DAB1: variants seen among roughly 807,000 people sequenced by gnomAD.
DAB1 encodes the protein disabled homolog 1.
Under a neutral mutation model 64.6 loss-of-function variants are expected in DAB1, and 15 were observed. The ratio of observed to expected loss-of-function variants is 0.23; its 90% confidence interval spans 0.16 to 0.36. The LOEUF (loss-of-function observed/expected upper bound fraction) is 0.36, where lower values mean the gene tolerates loss of function less well. DAB1 is among the 10% of genes least tolerant of loss of function. The probability of loss-of-function intolerance (pLI) is 1.00; values close to 1 mark genes in which losing one functional copy is unlikely to be tolerated. For synonymous variants in DAB1, 235 were observed against 251.9 expected (o/e 0.93, Z 0.64); for missense variants, 596 against 706.7 (o/e 0.84, Z 1.78).
chr1:58,380,053 A>T (rs892168837), intron 3 of DAB1, among the ~76,000 whole-genome samples: 1 of 152,170 alleles, frequency 6.6e-6, no homozygotes, highest in African/African-American at 2.4e-5. Context: ...TCTCTTCCTC[A>T]GCTAGCTAAG....
At chr1:57,669,068 T>A (rs1161563576) in intron 6 of DAB1, among the ~76,000 whole-genome samples, 2 of 152,128 alleles carry the variant, frequency 1.3e-5, no homozygotes, top group African/African-American at 2.4e-5. Flanking sequence ...TAATTCCGTG[T>A]TCCTTACACC....
At chr1:57,912,998 C>G (rs767936674) in intron 5 of DAB1, among the ~76,000 whole-genome samples, 1 of 152,094 alleles carries the variant, frequency 6.6e-6, no homozygotes, top group Admixed American at 6.6e-5. Flanking sequence ...GAATCAATAT[C>G]GTGAAAATGG....
intron 5 of DAB1, among the ~76,000 whole-genome samples, chr1:58,063,761 C>T (rs1349499637): frequency 2.0e-5 from 3 of 152,190 alleles, no homozygotes; most frequent in East Asian, 3.8e-4. Flanking sequence ...CCTAGATCAT[C>T]GCTATATTTC....
intron 1 of DAB1, among the ~76,000 whole-genome samples, chr1:57,353,242 C>T (rs752705410): frequency 2.0e-5 from 3 of 151,846 alleles, no homozygotes; most frequent in Non-Finnish European, 4.4e-5. Context: ...CTTTTCAACT[C>T]AATTTATTCA....
chr1:57,398,080 A>C (rs1411203868), intron 1 of DAB1, among the ~76,000 whole-genome samples: 1 of 152,192 alleles, frequency 6.6e-6, no homozygotes, highest in Non-Finnish European at 1.5e-5. Context: ...TGACTGCCCA[A>C]GTTTACCAGA....
intron 6 of DAB1, among the ~76,000 whole-genome samples, chr1:57,697,181 C>T (rs74873756): frequency 0.019 from 2,922 of 152,104 alleles, 28 homozygotes; most frequent in Non-Finnish European, 0.029. Flanking sequence ...CAGTTCCTGG[C>T]ATATAATAGA....
intron 3 of DAB1, among the ~76,000 whole-genome samples, chr1:58,473,056 G>T (rs963201143): frequency 6.6e-6 from 1 of 152,172 alleles, no homozygotes; most frequent in African/African-American, 2.4e-5. Context: ...TAATTTAAAC[G>T]ACATTTCCCC....
chr1:58,067,688 A>T (rs1490761827), intron 5 of DAB1, among the ~76,000 whole-genome samples: 1 of 152,218 alleles, frequency 6.6e-6, no homozygotes, highest in Non-Finnish European at 1.5e-5. Flanking sequence ...AGTCTATGGG[A>T]TAAGAGTGAA....
At chr1:58,064,153 G>A (rs1648687440) in intron 5 of DAB1, among the ~76,000 whole-genome samples, 1 of 152,176 alleles carries the variant, frequency 6.6e-6, no homozygotes, top group Non-Finnish European at 1.5e-5. Context: ...ATATGAGATA[G>A]GGAAGAAAGA....
chr1:57,908,499 TC>T (rs1421152478), intron 5 of DAB1, among the ~76,000 whole-genome samples: 2 of 152,094 alleles, frequency 1.3e-5, no homozygotes, highest in Admixed American at 6.6e-5. Context: ...CAGCCAGCTA[TC>T]CTCTCCTCCA....
intron 7 of DAB1, among the ~76,000 whole-genome samples, chr1:57,569,799 G>T (rs1645172043): frequency 6.6e-6 from 1 of 152,038 alleles, no homozygotes; most frequent in Non-Finnish European, 1.5e-5. Context: ...TTTATCATGT[G>T]ACATAAGATT....
At chr1:57,162,872 T>C (rs959483153) in intron 2 of DAB1, among the ~76,000 whole-genome samples, 22 of 152,214 alleles carry the variant, frequency 1.4e-4, no homozygotes, top group African/African-American at 5.1e-4. Flanking sequence ...AAGGCTGCAA[T>C]ATAAATTACA....
intron 4 of DAB1, among the ~76,000 whole-genome samples, chr1:58,161,758 A>C (rs1655549297): frequency 6.6e-6 from 1 of 152,196 alleles, no homozygotes; most frequent in Non-Finnish European, 1.5e-5. Context: ...GTTAGTAAGT[A>C]GTAAAACTTG....
chr1:57,075,910 G>A (rs1400555507), intron 4 of DAB1, among the ~76,000 whole-genome samples: 2 of 152,216 alleles, frequency 1.3e-5, no homozygotes, highest in Non-Finnish European at 2.9e-5. Flanking sequence ...CTGGGATGAG[G>A]AAGGCAAGGG....
chr1:58,275,914 A>G (rs1032372502), intron 4 of DAB1, among the ~76,000 whole-genome samples: 1 of 152,236 alleles, frequency 6.6e-6, no homozygotes, highest in Non-Finnish European at 1.5e-5. Flanking sequence ...TCAAAGGTGG[A>G]AGCAGCCCAA....
At chr1:57,317,376 G>A (rs1675301156) in intron 1 of DAB1, among the ~76,000 whole-genome samples, 1 of 152,186 alleles carries the variant, frequency 6.6e-6, no homozygotes, top group Non-Finnish European at 1.5e-5. Context: ...ATAAATGTTT[G>A]CTTTTTTAAA....
intron 3 of DAB1, among the ~76,000 whole-genome samples, chr1:58,444,632 T>C (rs1159464164): frequency 1.3e-5 from 2 of 152,236 alleles, no homozygotes; most frequent in Non-Finnish European, 2.9e-5. Context: ...TCTTGCATGT[T>C]TCTGCCCCGA....
intron 6 of DAB1, among the ~76,000 whole-genome samples, chr1:57,808,960 A>C (rs1000355521): frequency 6.6e-6 from 1 of 152,198 alleles, no homozygotes; most frequent in Admixed American, 6.5e-5. Context: ...AATGGAACAT[A>C]GTGTTCTCAA....
At chr1:57,759,780 G>C (rs1255943731) in intron 6 of DAB1, among the ~76,000 whole-genome samples, 1 of 152,108 alleles carries the variant, frequency 6.6e-6, no homozygotes, top group Admixed American at 6.6e-5. Flanking sequence ...AGACATGATA[G>C]GGACATTGAC....
Sources: allele counts gnomAD v4.1 joint callset (sites outside exome capture counted in the v4.1 genomes callset), GRCh38; gene constraint gnomAD v4.1.1; transcripts MANE v1.5; gene names NCBI Gene and HGNC (gene_info 2026-07-23, HGNC 2026-07-21).